TSHZ1: variants seen among roughly 807,000 people sequenced by gnomAD.
TSHZ1 encodes the protein teashirt zinc finger homeobox 1, also known as teashirt homolog 1.
Under a neutral mutation model 67.1 loss-of-function variants are expected in TSHZ1, and 12 were observed. The observed-to-expected ratio is 0.18, with a 90% CI of 0.11 to 0.29. The LOEUF (loss-of-function observed/expected upper bound fraction) is 0.29, where lower values mean the gene tolerates loss of function less well. TSHZ1 is among the 10% of genes least tolerant of loss of function. TSHZ1 has a pLI of 1.00. For missense variants in TSHZ1, 1,305 were observed against 1,413.9 expected (o/e 0.92, Z 1.23); for synonymous variants, 632 against 622.4 (o/e 1.02, Z -0.23).
rs1440168336 is a variant in TSHZ1, at chr18:75,277,587, T to C, written c.41-7861T>C. 3.9e-5 allele frequency among the ~76,000 whole-genome samples: 6 copies of C among 152,058 alleles called. No homozygotes were observed. In the South Asian group the frequency reaches 1.0e-3, roughly 26 times the overall value. Reference sequence around the variant, plus strand: ...GGCCTGCCTCCTGTGTGTACGTAGATGGTGTCATCTCACTGTGTCGTCATG... The same window carrying C: ...GGCCTGCCTCCTGTGTGTACGTAGACGGTGTCATCTCACTGTGTCGTCATG... On this transcript the variant is annotated intron_variant, in intron 1 of 1. Coordinates refer to ENST00000580243, the MANE Select transcript of TSHZ1 (RefSeq NM_001308210.2).
chr18:75,261,778 G>A (rs1316751318), intron 1 of TSHZ1, among the ~76,000 whole-genome samples: 2 of 152,222 alleles, frequency 1.3e-5, no homozygotes, highest in East Asian at 3.8e-4. Flanking sequence ...CTTGCTATTG[G>A]GTATTTGAAA....
At chr18:75,249,795 C>T (rs1387905658) in intron 1 of TSHZ1, among the ~76,000 whole-genome samples, 1 of 146,408 alleles carries the variant, frequency 6.8e-6, no homozygotes, top group Admixed American at 6.8e-5. Flanking sequence ...CTCACACCTG[C>T]AGTAGGTGGG....
At chr18:75,234,472 C>T (rs898977336) in intron 1 of TSHZ1, among the ~76,000 whole-genome samples, 1 of 152,102 alleles carries the variant, frequency 6.6e-6, no homozygotes, top group African/African-American at 2.4e-5. Flanking sequence ...CTTCAGAGGA[C>T]AATTGCTCCA....
intron 1 of TSHZ1, among the ~76,000 whole-genome samples, chr18:75,236,758 A>G (rs998258401): frequency 1.3e-5 from 2 of 152,200 alleles, no homozygotes; most frequent in African/African-American, 2.4e-5. Context: ...CTCCACTTGC[A>G]TTATATAATT....
At position 75,287,555 on chromosome 18, in the gene TSHZ1, A is replaced by G. The variant is rs1175156877; in HGVS notation, c.2148A>G (p.Thr716=). 2 of 1,614,252 alleles carry G rather than the reference A, an allele frequency of 1.2e-6. No individual in the cohort carries two copies. Among genetic ancestry groups the G allele is most frequent in the Non-Finnish European group, 8.5e-7 (1 of 1,180,044 alleles). The change falls in exon 2 of 2, where the codon ACA becomes ACG. Residue 716 remains threonine, a synonymous_variant. Transcript: ENST00000580243. The surrounding 1 kb of genome is among the most constrained non-coding windows in gnomAD (Gnocchi z 5.0). ...GPLDVHTPNG[T]EPLKAKVTNG... ...TGGACGTTCACACCCCAAATGGCAC[A>G]GAGCCTCTCAAAGCAAAGGTCACCA...
At chr18:75,236,299 A>G (rs1286065367) in intron 1 of TSHZ1, among the ~76,000 whole-genome samples, 2 of 152,116 alleles carry the variant, frequency 1.3e-5, no homozygotes, top group African/African-American at 2.4e-5. Flanking sequence ...GGCAGACCCA[A>G]TTCTAACAGG....
chr18:75,282,410 T>C (rs1427159799), intron 1 of TSHZ1, among the ~76,000 whole-genome samples: 1 of 152,198 alleles, frequency 6.6e-6, no homozygotes, highest in Non-Finnish European at 1.5e-5. Context: ...GAGAGTAAGT[T>C]TCCCATTTCT....
rs1046379550 is a variant in TSHZ1, at chr18:75,288,822, T to G, written c.*181T>G. 2.8e-6 allele frequency: 3 copies of G among 1,057,816 alleles called. No homozygotes were observed. In the African/African-American group the frequency reaches 4.9e-5, roughly 17 times the overall value. 65.5% of individuals were successfully genotyped at this position (1,057,816 alleles called of 1,614,324 possible). A position where few individuals can be genotyped will look rare whatever the true frequency, so the allele number is the denominator to read the frequency against. On this transcript the variant is annotated 3_prime_UTR_variant, in exon 2 of 2. Transcript: ENST00000580243. The surrounding 1 kb of genome is among the most constrained non-coding windows in gnomAD (Gnocchi z 4.9). ...TCTGTCCGATCTGTGCATGTTATTT[T>G]TCTTTTTCCGTGAGTCAAAGTCTGA...
chr18:75,237,791 C>CATTTATTTATTTATTTATTTATTT (rs1555726446), intron 1 of TSHZ1, among the ~76,000 whole-genome samples: 3 of 143,500 alleles, frequency 2.1e-5, no homozygotes, highest in Admixed American at 6.9e-5. Context: ...TTCTTTCTTT[C>CATTTATTTATTTATTTATTTATTT]ATTTATTTAT....
chr18:75,237,249 C>T (rs772989346), intron 1 of TSHZ1, among the ~76,000 whole-genome samples: 21 of 152,260 alleles, frequency 1.4e-4, no homozygotes, highest in Non-Finnish European at 2.1e-4. Flanking sequence ...AGGCCAGGTG[C>T]GGTAGCTCAT....
intron 1 of TSHZ1, among the ~76,000 whole-genome samples, chr18:75,258,884 C>T (rs972196497): frequency 1.1e-4 from 17 of 152,142 alleles, no homozygotes; most frequent in African/African-American, 3.9e-4. Flanking sequence ...GCCATTTACT[C>T]ACATGTTCTT....
chr18:75,274,994 A>C (rs2023599517), intron 1 of TSHZ1, among the ~76,000 whole-genome samples: 1 of 152,150 alleles, frequency 6.6e-6, no homozygotes, highest in Non-Finnish European at 1.5e-5. Flanking sequence ...CTGATAAATA[A>C]TTTCTGTCCG....
At chr18:75,219,650 A>G (rs963676517) in intron 1 of TSHZ1, among the ~76,000 whole-genome samples, 5 of 152,240 alleles carry the variant, frequency 3.3e-5, no homozygotes, top group Non-Finnish European at 7.3e-5. Flanking sequence ...CTTTCTTTAG[A>G]CTTTTTGGGG....
chr18:75,252,500 G>A (rs1012905805), intron 1 of TSHZ1, among the ~76,000 whole-genome samples: 1 of 152,140 alleles, frequency 6.6e-6, no homozygotes, highest in African/African-American at 2.4e-5. Context: ...TGCTTTTAAA[G>A]TGATGTTTAA....
chr18:75,214,492 A>G (rs1042344918), intron 1 of TSHZ1, among the ~76,000 whole-genome samples: 17 of 152,244 alleles, frequency 1.1e-4, no homozygotes, highest in African/African-American at 3.4e-4. Flanking sequence ...GCGATTTTCC[A>G]AAGTGTTTTT....
At chr18:75,275,625 T>C (rs985326025) in intron 1 of TSHZ1, among the ~76,000 whole-genome samples, 2 of 152,210 alleles carry the variant, frequency 1.3e-5, no homozygotes, top group African/African-American at 4.8e-5. Flanking sequence ...GGGGGTCAGA[T>C]AGTACCAAGT....
chr18:75,246,403 G>GGTGTGGGTGTGTGTGTGTGT (rs2023222747), intron 1 of TSHZ1, among the ~76,000 whole-genome samples: 1 of 108,372 alleles, frequency 9.2e-6, no homozygotes, highest in South Asian at 3.8e-4. Flanking sequence ...TTTGGTTTCT[G>GGTGTGGGTGTGTGTGTGTGT]GTGTGTGTGT....
chr18:75,257,323 C>T (rs2023373148), intron 1 of TSHZ1, among the ~76,000 whole-genome samples: 1 of 152,116 alleles, frequency 6.6e-6, no homozygotes, highest in Non-Finnish European at 1.5e-5. Flanking sequence ...GGGCTGGGTC[C>T]TTTTTATTGC....
At chr18:75,245,690 A>G (rs908025087) in intron 1 of TSHZ1, among the ~76,000 whole-genome samples, 47 of 152,306 alleles carry the variant, frequency 3.1e-4, no homozygotes, top group African/African-American at 1.1e-3. Context: ...GTCAAATGAC[A>G]GATTTTGTGT....
Sources: gnomAD v4.1 joint callset for allele counts (sites outside exome capture counted in the v4.1 genomes callset) on GRCh38, gnomAD v4.1.1 for gene constraint, Gnocchi (gnomAD v3.1) non-coding constraint, MANE v1.5 for transcripts, NCBI Gene and HGNC (gene_info 2026-07-23, HGNC 2026-07-21) for gene names.